Variants in STRA8 observed in about 807,000 individuals in gnomAD.
STRA8 encodes stimulated by retinoic acid gene 8 protein homolog.
In STRA8, 18 loss-of-function variants were observed where a neutral mutation model predicts 37.1. The observed-to-expected ratio is 0.48, with a 90% CI of 0.34 to 0.72. The LOEUF is 0.72. Ranked by LOEUF, STRA8 falls within the 30% of genes least tolerant of loss-of-function variation. The pLI is 0.01. For synonymous variants in STRA8, 168 were observed against 162.9 expected (o/e 1.03, Z -0.24); for missense variants, 357 against 410.4 (o/e 0.87, Z 1.13).
At chr7:135,258,368 C>A in intron 8 of STRA8, 50 bp from the exon 9 acceptor site, 1 of 1,504,826 alleles carries the variant, frequency 6.6e-7, no homozygotes, top group African/African-American at 1.4e-5. Flanking sequence ...CTGCCTCGGG[C>A]CCAAGACCCA....
chr7:135,247,203 T>A (rs1211552212), intron 6 of STRA8: 1 of 152,698 alleles, frequency 6.5e-6, no homozygotes, highest in Non-Finnish European at 1.5e-5. Flanking sequence ...CTGCGGTTAG[T>A]TTCCTGGCCT....
chr7:135,238,201 G>T (rs114032613), intron 1 of STRA8, among the ~76,000 whole-genome samples: 19,375 of 152,236 alleles, frequency 0.13, 1,537 homozygotes, highest in Middle Eastern at 0.29. Context: ...TGAGCCAAGG[G>T]GGGGCGGGGG....
chr7:135,249,444 C>T (rs140218061), intron 6 of STRA8, among the ~76,000 whole-genome samples: 235 of 152,152 alleles, frequency 1.5e-3, no homozygotes, highest in African/African-American at 5.4e-3. Flanking sequence ...ATTAGCTGGG[C>T]GTGGTGGCGA....
intron 6 of STRA8, 139 bp from the exon 7 acceptor site, chr7:135,251,657 G>T: frequency 1.3e-6 from 1 of 774,382 alleles, no homozygotes; most frequent in East Asian, 2.6e-5. Context: ...CCCTGGGTGT[G>T]GGCCCCAGCT....
chr7:135,252,013 A>AGT (rs59621186), intron 7 of STRA8, 144 bp downstream of exon 7: 198,348 of 501,328 alleles, frequency 0.4, 18,562 homozygotes, highest in Admixed American at 0.48. Flanking sequence ...AGAGAGAGAG[A>AGT]GTGTGTGTGT....
rs1304046517 is a variant in STRA8, at chr7:135,242,932, G to T, written c.268+76G>T. The T allele has an allele frequency of 2.0e-6, 3 of 1,480,122 alleles. No homozygotes were observed. In the African/African-American group the frequency reaches 4.2e-5, roughly 20 times the overall value. 91.7% of individuals were successfully genotyped at this position (1,480,122 alleles called of 1,614,324 possible). ...ATCTGTTTTTCTATTGAAAACAGAA[G>T]TTGGGTTACAATGAATCAACAAATA... On this transcript the variant is annotated intron_variant, in intron 3 of 8. Transcript: ENST00000662584.
At chr7:135,252,013 A>AGTGGGTGT in intron 7 of STRA8, 144 bp downstream of exon 7, 1 of 503,870 alleles carries the variant, frequency 2.0e-6, no homozygotes. Flanking sequence ...AGAGAGAGAG[A>AGTGGGTGT]GTGTGTGTGT....
chr7:135,241,819 T>G (rs1832468540), intron 2 of STRA8, among the ~76,000 whole-genome samples: 1 of 152,174 alleles, frequency 6.6e-6, no homozygotes, highest in Admixed American at 6.5e-5. Flanking sequence ...TCTTATGTAC[T>G]CTGTATCCCT....
At position 135,246,607 on chromosome 7, in the gene STRA8, G is replaced by T. The variant is rs775505538; in HGVS notation, c.784G>T (p.Ala262Ser). 2 of 1,510,934 alleles carry T rather than the reference G, an allele frequency of 1.3e-6. No individual in the cohort carries two copies. Among genetic ancestry groups the T allele is most frequent in the South Asian group, 2.6e-5 (2 of 76,118 alleles). 93.6% of individuals were successfully genotyped at this position (1,510,934 alleles called of 1,614,324 possible). A position where few individuals can be genotyped will look rare whatever the true frequency, so the allele number is the denominator to read the frequency against. The change falls in exon 6 of 9, where the codon GCC (alanine) becomes TCC (serine). Residue 262 changes from alanine to serine, a missense_variant. Ala to Ser is a moderately conservative substitution (Grantham distance 99, BLOSUM62 1). Transcript: ENST00000662584. This position sits in a 1 kb window ranked among gnomAD's most constrained non-coding sequence, Gnocchi z 5.4. ...KHRGPATLAE[A>S]CREPACAEGS... Reference sequence around the variant, plus strand: ...CCGCGGCCCTGCGACCCTGGCGGAGGCCTGCCGAGAGCCGGCCTGTGCCGA... The same window carrying T: ...CCGCGGCCCTGCGACCCTGGCGGAGTCCTGCCGAGAGCCGGCCTGTGCCGA...
Position 135,246,559 on chromosome 7 carries a change from C to A in STRA8, c.736C>A (p.Arg246=). The part of the protein sequence containing the change: ...NLSEERKASL[R]QAWAQKHRGP... ...CTCGGAGGAGAGGAAGGCCAGCCTC[C>A]GGCAGGCCTGGGCGCAGAAGCACCG... The change falls in exon 6 of 9, where the codon CGG becomes AGG. Residue 246 remains arginine (R), a synonymous_variant. Transcript: ENST00000662584. This position sits in a 1 kb window ranked among gnomAD's most constrained non-coding sequence, Gnocchi z 5.4. 1.3e-6 allele frequency: 2 copies of A among 1,563,886 alleles called. No homozygotes were observed. The highest frequency in any genetic ancestry group is 1.7e-6 in the Non-Finnish European group (2 of 1,154,996).
rs1163355249 is a variant in STRA8 at position 135,246,770 on chromosome 7, C to G, written c.879+68C>G. On this transcript the variant is annotated intron_variant, in intron 6 of 8. Coordinates refer to ENST00000662584, the MANE Select transcript of STRA8 (RefSeq NM_001394401.1). The surrounding 1 kb of genome is among the most constrained non-coding windows in gnomAD (Gnocchi z 5.4). ...CACCCTCGCCCTCGCCTGGGGACAC[C>G]AGGGCTTTGCATTTAGCAGGTTGGA... The G allele has an allele frequency of 7.0e-7, 1 of 1,433,538 alleles. No individual in the cohort carries two copies. The highest frequency in any genetic ancestry group is 1.5e-5 in the African/African-American group (1 of 68,868). The allele number at this position is 1,433,538 out of a possible 1,614,324, so 88.8% of individuals were successfully genotyped here. A position where few individuals can be genotyped will look rare whatever the true frequency, so the allele number is the denominator to read the frequency against.
chr7:135,252,011 A>AGTGTGTGTGT lies in STRA8; in HGVS notation c.953+143_953+144insTGTGTGTGTG, dbSNP rs1348457120. ...AGAGAGGAGACAGAGGGAGAGAGAGAGAGTGTGTGTGTGTGTGTGTGTGTG... is the reference window on the plus strand; with the variant it reads ...AGAGAGGAGACAGAGGGAGAGAGAGAGTGTGTGTGTGAGTGTGTGTGTGTGTGTGTGTGTG... On this transcript the variant is annotated intron_variant, in intron 7 of 8. Coordinates refer to ENST00000662584, the MANE Select transcript of STRA8 (RefSeq NM_001394401.1). 282 of 647,148 alleles carry AGTGTGTGTGT rather than the reference A, an allele frequency of 4.4e-4. No individual in the cohort carries two copies. The African/African-American group carries it at 6.0e-3, about 14-fold the overall frequency. The allele number at this position is 647,148 out of a possible 1,614,324, so 40.1% of individuals were successfully genotyped here.
chr7:135,235,123 C>G (rs545979833), intron 1 of STRA8, among the ~76,000 whole-genome samples: 2 of 152,312 alleles, frequency 1.3e-5, no homozygotes, highest in South Asian at 4.1e-4. Context: ...CCTCCTGCCT[C>G]AGCCTCCCAA....
At chr7:135,237,444 C>T (rs292633) in intron 1 of STRA8, among the ~76,000 whole-genome samples, 63,925 of 152,026 alleles carry the variant, frequency 0.42, 14,869 homozygotes, top group East Asian at 0.55. Context: ...ATTCCCCCTT[C>T]CTAGCCAAAC....
intron 8 of STRA8, among the ~76,000 whole-genome samples, chr7:135,257,114 A>G (rs1418079749): frequency 6.6e-6 from 1 of 152,174 alleles, no homozygotes; most frequent in Admixed American, 6.5e-5. Context: ...AGCATGGTGA[A>G]TGGGAACTGC....
At chr7:135,253,422 C>T (rs1480927470) in intron 7 of STRA8, among the ~76,000 whole-genome samples, 1 of 152,086 alleles carries the variant, frequency 6.6e-6, no homozygotes, top group Non-Finnish European at 1.5e-5. Flanking sequence ...GCAGGTTCTC[C>T]CAGCTGACCT....
rs776940808 is a variant in STRA8, at chr7:135,240,607, G to A, written c.83G>A (p.Arg28Gln). 161 of 1,614,016 alleles carry A rather than the reference G, an allele frequency of 1.0e-4. No individual in the cohort carries two copies. The highest frequency in any genetic ancestry group is 1.8e-4 in the Admixed American group (11 of 60,010). ...GCACAGCTGCAGGAGCTTGAGCATCGGGTGGCCCGGAGACGGCTGTCCCAG... is the reference window on the plus strand; with the variant it reads ...GCACAGCTGCAGGAGCTTGAGCATCAGGTGGCCCGGAGACGGCTGTCCCAG... The part of the protein sequence containing the change: ...LPAQLQELEH[R>Q]VARRRLSQAR... The change falls in exon 2 of 9, where the codon CGG becomes CAG. Residue 28 changes from arginine (R) to glutamine (Q), a missense_variant. Arg to Gln is a conservative substitution (Grantham distance 43). Coordinates refer to ENST00000662584, the MANE Select transcript of STRA8 (RefSeq NM_001394401.1).
chr7:135,246,121 A>G lies in STRA8; in HGVS notation c.594-296A>G. 2.2e-6 allele frequency: 1 copy of G among 456,162 alleles called. No individual in the cohort carries two copies. The highest frequency in any genetic ancestry group is 4.0e-6 in the Non-Finnish European group (1 of 252,754). 28.3% of individuals were successfully genotyped at this position (456,162 alleles called of 1,614,324 possible). A position where few individuals can be genotyped will look rare whatever the true frequency, so the allele number is the denominator to read the frequency against. ...TTTTCAAGAATATTCCCTTAGGATG[A>G]GAGCTGAGGCAGCTACGCCTCTTAT... On this transcript the variant is annotated intron_variant, in intron 5 of 8. Coordinates refer to ENST00000662584, the MANE Select transcript of STRA8 (RefSeq NM_001394401.1). This position sits in a 1 kb window ranked among gnomAD's most constrained non-coding sequence, Gnocchi z 5.4.
intron 1 of STRA8, among the ~76,000 whole-genome samples, chr7:135,235,177 T>C (rs1485425889): frequency 6.6e-6 from 1 of 152,150 alleles, no homozygotes; most frequent in East Asian, 1.9e-4. Flanking sequence ...TGGGCAGCAA[T>C]ACGTTTTTTA....
Sources: gnomAD v4.1 joint callset for allele counts (sites outside exome capture counted in the v4.1 genomes callset) on GRCh38, gnomAD v4.1.1 for gene constraint, Gnocchi (gnomAD v3.1) non-coding constraint, MANE v1.5 for transcripts, NCBI Gene and HGNC (gene_info 2026-07-23, HGNC 2026-07-21) for gene names.